KCNG3: variants seen among roughly 807,000 people sequenced by gnomAD.
The protein encoded by KCNG3 is potassium voltage-gated channel modifier subfamily G member 3.
Under a neutral mutation model 29.0 loss-of-function variants are expected in KCNG3, and 15 were observed. That is an observed-to-expected ratio of 0.52 (90% confidence interval 0.35 to 0.80). KCNG3 has a LOEUF of 0.80. Among genes scored for constraint, KCNG3 ranks in the 30% least tolerant of loss-of-function variants. The pLI is 0.01. For missense variants in KCNG3, 512 were observed against 605.7 expected, an observed-to-expected ratio of 0.85 and a Z score of 1.62; for synonymous variants, 322 against 248.9, an observed-to-expected ratio of 1.29 and a Z score of -2.76.
intron 1 of KCNG3, among the ~76,000 whole-genome samples, chr2:42,452,084 A>G (rs1672769162): frequency 6.6e-6 from 1 of 151,914 alleles, no homozygotes; most frequent in Non-Finnish European, 1.5e-5. Context: ...AAAAATGGAC[A>G]AAGGATTTTT....
At chr2:42,400,548 G>T in the KCNG3 span, among the ~76,000 whole-genome samples, 1,010 of 152,190 alleles carry the variant, frequency 6.6e-3, 11 homozygotes, top group African/African-American at 0.023. Flanking sequence ...CCCCCTCCTT[G>T]TCACCCACCT....
At chr2:42,433,582 T>C in the KCNG3 span, among the ~76,000 whole-genome samples, 2 of 151,982 alleles carry the variant, frequency 1.3e-5, no homozygotes, top group Non-Finnish European at 2.9e-5. Context: ...CTACTAAAAA[T>C]ACAAAAATTA....
chr2:42,464,436 A>G (rs1438116230), intron 1 of KCNG3, among the ~76,000 whole-genome samples: 1 of 152,232 alleles, frequency 6.6e-6, no homozygotes, highest in Non-Finnish European at 1.5e-5. Flanking sequence ...TCCTGAAACA[A>G]TAAGCTAAGT....
At position 42,493,182 on chromosome 2, in the gene KCNG3, T is replaced by TGC; in HGVS notation, c.318_319dup (p.His107ArgfsTer76). 6.2e-7 allele frequency: 1 copy of TGC among 1,608,904 alleles called. No homozygotes were observed. Among genetic ancestry groups the TGC allele is most frequent in the Non-Finnish European group, 8.5e-7 (1 of 1,179,714 alleles). On this transcript the variant is annotated frameshift_variant, in exon 1 of 2. Transcript: ENST00000306078. LOFTEE classifies it high-confidence loss of function. Reference sequence around the variant, plus strand: ...GCGGCGCTGGCAGCAGTACTCGAGGTGCGCGCCCTCCAGGCCCCAGTAGAT... The same window carrying TGC: ...GCGGCGCTGGCAGCAGTACTCGAGGTGCGCGCGCCCTCCAGGCCCCAGTAGAT...
intron 1 of KCNG3, among the ~76,000 whole-genome samples, chr2:42,480,978 G>A (rs548521624): frequency 2.6e-5 from 4 of 151,964 alleles, no homozygotes; most frequent in African/African-American, 4.8e-5. Context: ...ACAGGGTTTC[G>A]CCATGTTGGC....
chr2:42,401,847 G>A, the KCNG3 span, among the ~76,000 whole-genome samples: 1 of 152,136 alleles, frequency 6.6e-6, no homozygotes. Flanking sequence ...TTGCGCCACT[G>A]TACTCCAGCC....
At chr2:42,446,421 C>T (rs1444484004) in intron 1 of KCNG3, among the ~76,000 whole-genome samples, 2 of 151,898 alleles carry the variant, frequency 1.3e-5, no homozygotes, top group African/African-American at 2.4e-5. Context: ...TCAAGTGATC[C>T]GCCCACCTCG....
At chr2:42,462,488 C>G (rs1021249265) in intron 1 of KCNG3, among the ~76,000 whole-genome samples, 2 of 152,116 alleles carry the variant, frequency 1.3e-5, no homozygotes, top group Admixed American at 1.3e-4. Flanking sequence ...TGGAGACCAG[C>G]CTGGTCAACA....
chr2:42,457,330 G>GA (rs34377811), intron 1 of KCNG3, among the ~76,000 whole-genome samples: 36,354 of 135,656 alleles, frequency 0.27, 5,367 homozygotes, highest in East Asian at 0.58. Context: ...GCAAAATACA[G>GA]AAAAAAAAAA....
chr2:42,406,261 C>T, the KCNG3 span, among the ~76,000 whole-genome samples: 1 of 151,640 alleles, frequency 6.6e-6, no homozygotes, highest in African/African-American at 2.4e-5. Flanking sequence ...CTCTTGTTGC[C>T]CAGTCTGGAG....
At chr2:42,449,917 C>CT (rs1178754805) in intron 1 of KCNG3, among the ~76,000 whole-genome samples, 2 of 152,176 alleles carry the variant, frequency 1.3e-5, no homozygotes, top group East Asian at 3.8e-4. Flanking sequence ...CTAACATACT[C>CT]TGTCTCTTAT....
At chr2:42,408,579 C>G in the KCNG3 span, among the ~76,000 whole-genome samples, 2 of 152,064 alleles carry the variant, frequency 1.3e-5, no homozygotes, top group Non-Finnish European at 2.9e-5. Flanking sequence ...AGGAGCTGAA[C>G]ACTTGTTGGG....
the KCNG3 span, among the ~76,000 whole-genome samples, chr2:42,418,327 T>G: frequency 6.6e-6 from 1 of 152,202 alleles, no homozygotes; most frequent in Admixed American, 6.5e-5. Flanking sequence ...GACCACATTT[T>G]GTTTATCCAT....
chr2:42,469,204 G>C (rs1346906367), intron 1 of KCNG3, among the ~76,000 whole-genome samples: 1 of 151,906 alleles, frequency 6.6e-6, no homozygotes, highest in African/African-American at 2.4e-5. Flanking sequence ...GGATCACGAG[G>C]TCAGAAGGTG....
At chr2:42,460,843 G>C (rs1249758153) in intron 1 of KCNG3, among the ~76,000 whole-genome samples, 1 of 152,090 alleles carries the variant, frequency 6.6e-6, no homozygotes, top group East Asian at 1.9e-4. Flanking sequence ...TGGCTACTCT[G>C]ACTATTCCTT....
intron 1 of KCNG3, among the ~76,000 whole-genome samples, chr2:42,465,476 C>G (rs2103697281): frequency 1.3e-5 from 2 of 152,236 alleles, no homozygotes; most frequent in South Asian, 4.1e-4. Flanking sequence ...CTCAGCCTCC[C>G]AAAGTGCTAG....
chr2:42,430,896 G>T, the KCNG3 span, among the ~76,000 whole-genome samples: 1 of 152,022 alleles, frequency 6.6e-6, no homozygotes, highest in Non-Finnish European at 1.5e-5. Context: ...GATCGCTTGA[G>T]GCCAGGAGTT....
the KCNG3 span, among the ~76,000 whole-genome samples, chr2:42,420,279 C>T: frequency 1.3e-5 from 2 of 152,136 alleles, no homozygotes; most frequent in African/African-American, 4.8e-5. Flanking sequence ...AGTGTTAGAA[C>T]ATCTATGTTT....
At chr2:42,408,921 C>T in the KCNG3 span, among the ~76,000 whole-genome samples, 6 of 152,144 alleles carry the variant, frequency 3.9e-5, no homozygotes, top group African/African-American at 9.7e-5. Context: ...TTCCTGGTGT[C>T]TCCAAGTTTC....
Sources: allele counts gnomAD v4.1 joint callset (sites outside exome capture counted in the v4.1 genomes callset), GRCh38; gene constraint gnomAD v4.1.1; transcripts MANE v1.5; gene names NCBI Gene and HGNC (gene_info 2026-07-23, HGNC 2026-07-21).